SCLY: variants seen among roughly 807,000 people sequenced by gnomAD.
SCLY encodes selenocysteine lyase, also known as putative selenocysteine lyase.
Under a neutral mutation model 50.1 loss-of-function variants are expected in SCLY, and 38 were observed. The observed-to-expected ratio is 0.76, with a 90% confidence interval of 0.59 to 0.99. SCLY has a LOEUF of 0.99. Among genes scored for constraint, SCLY ranks in the 50% least tolerant of loss-of-function variants. The pLI is 0.00. For missense variants in SCLY, 600 were observed against 620.0 expected, an observed-to-expected ratio of 0.97 and a Z score of 0.34; for synonymous variants, 243 against 249.4, an observed-to-expected ratio of 0.97 and a Z score of 0.24.
chr2:238,079,885 T>C (rs2065217530), intron 4 of SCLY: 1 of 152,270 alleles, frequency 6.6e-6, no homozygotes. Flanking sequence ...CCCCTTTCTC[T>C]TGCTCCTGCC....
intron 4 of SCLY, among the ~76,000 whole-genome samples, chr2:238,072,452 A>T (rs943644474): frequency 5.3e-5 from 8 of 152,162 alleles, no homozygotes; most frequent in African/African-American, 1.7e-4. Flanking sequence ...TAACTGTTTA[A>T]CCTTAAGCTT....
Position 238,069,011 on chromosome 2 carries a change from T to G in SCLY, c.304-286T>G, listed in dbSNP as rs1355897064. Among the ~76,000 whole-genome samples, 2 of 152,264 alleles carry G rather than the reference T, an allele frequency of 1.3e-5. No individual in the cohort carries two copies. The highest frequency in any genetic ancestry group is 1.3e-4 in the Admixed American group (2 of 15,288). ...CAGATTTATAAAATTTAAAAATTCA[T>G]AATATTCTATGCATATAACCACACT... On this transcript the variant is annotated intron_variant, in intron 3 of 11. Transcript: ENST00000254663. This position sits in a 1 kb window ranked among gnomAD's most constrained non-coding sequence, Gnocchi z 5.0.
Position 238,068,183 on chromosome 2 carries a change from A to G in SCLY, c.303+18A>G, listed in dbSNP as rs1215790134. 6.8e-7 allele frequency: 1 copy of G among 1,460,452 alleles called. No homozygotes were observed. The highest frequency in any genetic ancestry group is 1.9e-5 in the Admixed American group (1 of 53,012). The allele number at this position is 1,460,452 out of a possible 1,614,324, so 90.5% of individuals were successfully genotyped here. A position where few individuals can be genotyped will look rare whatever the true frequency, so the allele number is the denominator to read the frequency against. Reference sequence around the variant, plus strand: ...GCACTGAGGTAAAGCTTCTGAACACACTCACATTCTGTTAACTGTAAGTTA... The same window carrying G: ...GCACTGAGGTAAAGCTTCTGAACACGCTCACATTCTGTTAACTGTAAGTTA... On this transcript the variant is annotated intron_variant, in intron 3 of 11. Coordinates refer to ENST00000254663, the MANE Select transcript of SCLY (RefSeq NM_016510.7).
At chr2:238,093,745 G>C in intron 8 of SCLY, 116 bp from the exon 9 acceptor site, 1 of 971,050 alleles carries the variant, frequency 1.0e-6, no homozygotes, top group Non-Finnish European at 1.6e-6. Context: ...TGGTCTGTCT[G>C]TGACTGTCAG....
At chr2:238,095,162 C>T (rs2065415117) in intron 10 of SCLY, among the ~76,000 whole-genome samples, 1 of 152,214 alleles carries the variant, frequency 6.6e-6, no homozygotes. Context: ...AGCCACTGCA[C>T]TCCAGCTTGG....
intron 4 of SCLY, among the ~76,000 whole-genome samples, chr2:238,077,801 C>T (rs1292287467): frequency 2.0e-5 from 3 of 152,194 alleles, no homozygotes; most frequent in Admixed American, 2.0e-4. Flanking sequence ...CTTGTAAGAG[C>T]ACTGCCAGAA....
intron 3 of SCLY, 117 bp downstream of exon 3, chr2:238,068,282 C>T (rs1206495264): frequency 2.0e-5 from 16 of 789,888 alleles, no homozygotes; most frequent in African/African-American, 8.9e-5. Flanking sequence ...AGTGTGGTGG[C>T]TCATGCCTGT....
Position 238,091,271 on chromosome 2 carries a change from T to A in SCLY, c.921+17T>A. ...CTTGGGAAGGTGAGCCCTGGTGAGC[T>A]TGAGGAGATGAGTTGATTGCTTTGT... is the stretch of plus-strand genomic sequence containing the variant. On this transcript the variant is annotated intron_variant, in intron 8 of 11. Transcript: ENST00000254663. 6.2e-7 allele frequency: 1 copy of A among 1,610,416 alleles called. No homozygotes were observed. Among genetic ancestry groups the A allele is most frequent in the Non-Finnish European group, 8.5e-7 (1 of 1,176,694 alleles).
chr2:238,085,599 C>T (rs532835579), intron 7 of SCLY, among the ~76,000 whole-genome samples: 19 of 151,732 alleles, frequency 1.3e-4, no homozygotes, highest in East Asian at 5.8e-4. Flanking sequence ...TGGTGGCACA[C>T]GCCTATAGTC....
At chr2:238,063,708 C>T (rs2065041321) in intron 1 of SCLY, among the ~76,000 whole-genome samples, 1 of 152,228 alleles carries the variant, frequency 6.6e-6, no homozygotes, top group Non-Finnish European at 1.5e-5. Flanking sequence ...AGGAGCCCCA[C>T]AGGCCATCGC....
intron 7 of SCLY, among the ~76,000 whole-genome samples, chr2:238,089,461 A>G (rs1374514356): frequency 6.6e-6 from 1 of 152,118 alleles, no homozygotes; most frequent in Non-Finnish European, 1.5e-5. Flanking sequence ...GATGAAAGTT[A>G]GCCTTTCAAC....
chr2:238,083,131 G>T lies in SCLY; in HGVS notation c.778-117G>T. The T allele has an allele frequency of 1.2e-6, 1 of 801,802 alleles. No individual in the cohort carries two copies. The highest frequency in any genetic ancestry group is 1.7e-5 in the African/African-American group (1 of 59,514). 49.7% of individuals were successfully genotyped at this position (801,802 alleles called of 1,614,324 possible). On this transcript the variant is annotated intron_variant, in intron 6 of 11. Transcript: ENST00000254663. The surrounding 1 kb of genome is among the most constrained non-coding windows in gnomAD (Gnocchi z 4.3). Reference sequence around the variant, plus strand: ...TGGCACTCAGAGGCGCCACAAGGAAGCAGCAGGACTATGCATTGCAGAGCA... The same window carrying T: ...TGGCACTCAGAGGCGCCACAAGGAATCAGCAGGACTATGCATTGCAGAGCA...
Position 238,094,479 on chromosome 2 carries a change from T to G in SCLY, c.1065T>G (p.Leu355=). ...LNSQFPGTQR[L]PNTCNFSIRG... ...GCCAGTTTCCAGGCACCCAGCGGCT[T>G]CCCAATACCTGTAACTTTTCCATCC... is the stretch of plus-strand genomic sequence containing the variant. Residue 355 remains leucine, a synonymous_variant, in exon 10 of 12, where the codon CTT becomes CTG. Transcript: ENST00000254663. 2 of 1,614,232 alleles carry G rather than the reference T, an allele frequency of 1.2e-6. No individual in the cohort carries two copies. The highest frequency in any genetic ancestry group is 1.1e-5 in the South Asian group (1 of 91,086).
At chr2:238,071,275 T>C (rs904325787) in intron 4 of SCLY, among the ~76,000 whole-genome samples, 4 of 152,192 alleles carry the variant, frequency 2.6e-5, no homozygotes, top group African/African-American at 9.6e-5. Flanking sequence ...TAGACATGCA[T>C]GTGATGGAAA....
intron 4 of SCLY, chr2:238,080,744 T>C (rs1279023394): frequency 1.3e-5 from 2 of 152,248 alleles, no homozygotes; most frequent in Non-Finnish European, 2.9e-5. Context: ...GCTGACTTGG[T>C]GTACGGGAGC....
chr2:238,081,967 G>A (rs371758974), intron 5 of SCLY, 78 bp from the exon 6 acceptor site: 49 of 1,579,430 alleles, frequency 3.1e-5, no homozygotes, highest in African/African-American at 8.1e-5. Flanking sequence ...TTTGGCCTGC[G>A]CTCACTACTC....
chr2:238,070,402 G>T (rs1306435310), intron 4 of SCLY, among the ~76,000 whole-genome samples: 2 of 152,130 alleles, frequency 1.3e-5, no homozygotes, highest in African/African-American at 4.8e-5. Context: ...TTTTTGGCTG[G>T]GCGCAGTGGC....
rs1245336971 is a variant in SCLY, at chr2:238,083,261, G to A, written c.791G>A (p.Arg264Lys). 1 of 1,612,972 alleles carries A rather than the reference G, an allele frequency of 6.2e-7. No homozygotes were observed. The highest frequency in any genetic ancestry group is 8.5e-7 in the Non-Finnish European group (1 of 1,178,978). ...TTTTCCTTCCAGTTTTATGGTCCCA[G>A]GATTGGCGCACTTTATATACGAGGA... ...TIVGHKFYGP[R>K]IGALYIRGLG... Residue 264 changes from arginine (R) to lysine (K), a missense_variant, in exon 7 of 12, where the codon AGG becomes AAG. Arg to Lys is a conservative substitution (Grantham distance 26). Coordinates refer to ENST00000254663, the MANE Select transcript of SCLY (RefSeq NM_016510.7). This position sits in a 1 kb window ranked among gnomAD's most constrained non-coding sequence, Gnocchi z 4.3.
At chr2:238,091,534 C>CG in intron 8 of SCLY, 2 of 450,852 alleles carry the variant, frequency 4.4e-6, no homozygotes. Context: ...GGTGAAGTGT[C>CG]AAGCTGCAGG....
Sources: allele counts gnomAD v4.1 joint callset (sites outside exome capture counted in the v4.1 genomes callset), GRCh38; gene constraint gnomAD v4.1.1; non-coding constraint Gnocchi (gnomAD v3.1); transcripts MANE v1.5; gene names NCBI Gene and HGNC (gene_info 2026-07-23, HGNC 2026-07-21).